The following PLEKHG1 variants were observed in gnomAD, a reference collection of about 807,000 sequenced individuals.
PLEKHG1 encodes pleckstrin homology and RhoGEF domain containing G1.
Under a neutral mutation model 100.8 loss-of-function variants are expected in PLEKHG1, and 44 were observed. The ratio of observed to expected loss-of-function variants is 0.44; its 90% CI spans 0.34 to 0.56. The LOEUF (loss-of-function observed/expected upper bound fraction) is 0.56. Among genes scored for constraint, PLEKHG1 ranks in the 20% least tolerant of loss-of-function variants. The probability of loss-of-function intolerance (pLI) is 0.01; values close to 1 mark genes in which losing one functional copy is unlikely to be tolerated. For missense variants in PLEKHG1, 1,545 were observed against 1,720.9 expected (o/e 0.90, Z 1.81); for synonymous variants, 640 against 662.5 (o/e 0.97, Z 0.52).
exon 2 of PLEKHG1, chr6:150,733,671 A>C: frequency 6.2e-7 from 1 of 1,614,164 alleles, no homozygotes; most frequent in Non-Finnish European, 8.5e-7. Flanking sequence ...TGCCCTCAAG[A>C]ACTGAAGACA....
At chr6:150,627,529 C>T (rs2128559926) in intron 1 of PLEKHG1, among the ~76,000 whole-genome samples, 1 of 152,196 alleles carries the variant, frequency 6.6e-6, no homozygotes, top group African/African-American at 2.4e-5. Flanking sequence ...TCAACACCAA[C>T]ATCATTTTTG....
At chr6:150,742,394 G>C (rs921241177) in intron 2 of PLEKHG1, among the ~76,000 whole-genome samples, 3 of 152,020 alleles carry the variant, frequency 2.0e-5, no homozygotes, top group Non-Finnish European at 4.4e-5. Flanking sequence ...GTGAAACCCT[G>C]TCTCTACTAA....
Position 150,632,038 on chromosome 6 carries a change from A to G in PLEKHG1, c.-203-6042A>G, listed in dbSNP as rs532153259. On this transcript the variant is annotated intron_variant, in intron 1 of 3. Coordinates refer to the PLEKHG1 transcript ENST00000367326. ...TCACAACTTCAGGACTCTGGTTCCT[A>G]CAACAAGCACGCGGCATTTGGCATT... is the stretch of plus-strand genomic sequence containing the variant. 1.4e-3 allele frequency among the ~76,000 whole-genome samples: 207 copies of G among 152,342 alleles called. 2 individuals are homozygous for G. Among genetic ancestry groups the G allele is most frequent in the Admixed American group, 2.7e-3 (42 of 15,304 alleles).
At chr6:150,764,674 C>T (rs2128637144) in intron 2 of PLEKHG1, among the ~76,000 whole-genome samples, 1 of 152,194 alleles carries the variant, frequency 6.6e-6, no homozygotes, top group South Asian at 2.1e-4. Context: ...TTTTTGTTAC[C>T]CTGTGCCTTT....
rs528444175 is a variant in PLEKHG1 at position 150,618,873 on chromosome 6, A to G, written c.-204+18856A>G. 3.9e-3 allele frequency among the ~76,000 whole-genome samples: 594 copies of G among 152,296 alleles called. 4 individuals are homozygous for G. Among genetic ancestry groups the G allele is most frequent in the African/African-American group, 0.014 (571 of 41,562 alleles). ...TGGGGAGGATAGCTTGAGACCAGGC[A>G]TTCGAGACTAGCTTGGACAGCATAG... On this transcript the variant is annotated intron_variant, in intron 1 of 3. Coordinates refer to the PLEKHG1 transcript ENST00000367326.
At chr6:150,606,422 G>A (rs1292070321) in intron 1 of PLEKHG1, among the ~76,000 whole-genome samples, 1 of 152,156 alleles carries the variant, frequency 6.6e-6, no homozygotes, top group Non-Finnish European at 1.5e-5. Context: ...TAGGTCCTTT[G>A]GAACAGTGAA....
intron 1 of PLEKHG1, among the ~76,000 whole-genome samples, chr6:150,728,350 TTGGGAGGCCAAGA>T (rs1782063135): frequency 1.3e-5 from 2 of 152,190 alleles, no homozygotes; most frequent in South Asian, 4.1e-4. Context: ...TCTCAGCACT[TTGGGAGGCCAAGA>T]TGGGAGGATC....
chr6:150,665,452 A>C (rs940447802), intron 3 of PLEKHG1, among the ~76,000 whole-genome samples: 2 of 151,996 alleles, frequency 1.3e-5, no homozygotes, highest in Admixed American at 6.6e-5. Flanking sequence ...AACACGGTGA[A>C]ACCCTGTCTC....
At chr6:150,714,836 T>C (rs1208789613) in intron 3 of PLEKHG1, among the ~76,000 whole-genome samples, 1 of 150,780 alleles carries the variant, frequency 6.6e-6, no homozygotes, top group Admixed American at 6.7e-5. Flanking sequence ...TTTGAGACAG[T>C]CTCACTCTGT....
chr6:150,778,581 A>G (rs1785120889), intron 3 of PLEKHG1, among the ~76,000 whole-genome samples: 1 of 151,930 alleles, frequency 6.6e-6, no homozygotes, highest in South Asian at 2.1e-4. Flanking sequence ...CCTTCATATC[A>G]CATAATACAA....
At chr6:150,628,528 AC>A (rs1291564695) in intron 1 of PLEKHG1, among the ~76,000 whole-genome samples, 1 of 16,860 alleles carries the variant, frequency 5.9e-5, no homozygotes, top group Non-Finnish European at 1.3e-4. Flanking sequence ...AGATAGGAAA[AC>A]ACACACACAC....
In PLEKHG1 at chr6:150,683,746, G is replaced by A. The variant is rs191542984; in HGVS notation, c.-99+32960G>A. ...CCTCTGCGCTAGTATCCAGGGCATA[G>A]GACGTCTGAAGGAAAGATGGAGCCA... On this transcript the variant is annotated intron_variant, in intron 3 of 3. Coordinates refer to the PLEKHG1 transcript ENST00000367326. This position sits in a 1 kb window ranked among gnomAD's most constrained non-coding sequence, Gnocchi z 4.0. 27 of 1,278,558 alleles carry A rather than the reference G, an allele frequency of 2.1e-5. No individual in the cohort carries two copies. The African/African-American group carries it at 4.1e-4, about 20-fold the overall frequency. 79.2% of individuals were successfully genotyped at this position (1,278,558 alleles called of 1,614,324 possible).
chr6:150,603,086 AAAAAAAAT>A (rs1303399886), intron 1 of PLEKHG1, among the ~76,000 whole-genome samples: 26 of 149,084 alleles, frequency 1.7e-4, no homozygotes, highest in African/African-American at 2.7e-4. Context: ...TCTCAAAAAA[AAAAAAAAT>A]AAAAAAAAAG....
intron 15 of PLEKHG1, among the ~76,000 whole-genome samples, chr6:150,833,632 G>A (rs1057147778): frequency 1.3e-5 from 2 of 152,206 alleles, no homozygotes; most frequent in African/African-American, 4.8e-5. Context: ...CAAAGGTAGT[G>A]GCTCTTGCCT....
intron 3 of PLEKHG1, among the ~76,000 whole-genome samples, chr6:150,776,705 G>A (rs369673774): frequency 1.7e-4 from 25 of 146,742 alleles, no homozygotes; most frequent in African/African-American, 5.4e-4. Context: ...GTACATGTGC[G>A]GTTGCACATC....
At chr6:150,816,123 G>T (rs1383795588) in intron 10 of PLEKHG1, among the ~76,000 whole-genome samples, 1 of 152,066 alleles carries the variant, frequency 6.6e-6, no homozygotes, top group Non-Finnish European at 1.5e-5. Flanking sequence ...TGGGGGTGAT[G>T]GGAGACAGCG....
rs1784071138 is a variant in PLEKHG1 at position 150,760,070 on chromosome 6, TGTAC to T, written c.412-8567_412-8564del. On this transcript the variant is annotated intron_variant, in intron 2 of 15. Transcript: ENST00000358517. ...AGTTAAAATTCAGATTATGTAATAA[TGTAC>T]ATTTATTTTACTGATTTTTTTCCCC... Among the ~76,000 whole-genome samples the T allele has an allele frequency of 2.6e-5, 4 of 152,320 alleles. No homozygotes were observed. In the South Asian group the frequency reaches 8.3e-4, roughly 32 times the overall value.
At chr6:150,795,869 A>G (rs780805940) in exon 5 of PLEKHG1, 1 of 1,603,464 alleles carries the variant, frequency 6.2e-7, no homozygotes, top group Admixed American at 1.7e-5. Context: ...GAAGAGTTCC[A>G]CATTTATACC....
At chr6:150,791,333 AG>A (rs1323004605) in intron 4 of PLEKHG1, among the ~76,000 whole-genome samples, 1 of 152,106 alleles carries the variant, frequency 6.6e-6, no homozygotes, top group Non-Finnish European at 1.5e-5. Flanking sequence ...GGAGGAATGG[AG>A]GGAACAGACT....
Sources: allele counts gnomAD v4.1 joint callset (sites outside exome capture counted in the v4.1 genomes callset), GRCh38; gene constraint gnomAD v4.1.1; non-coding constraint Gnocchi (gnomAD v3.1); transcripts MANE v1.5; gene names NCBI Gene and HGNC (gene_info 2026-07-23, HGNC 2026-07-21).